The following LRRTM4 variants were observed in gnomAD, a reference collection of about 807,000 sequenced individuals.
LRRTM4 encodes leucine rich repeat transmembrane neuronal 4.
Under a neutral mutation model 47.6 loss-of-function variants are expected in LRRTM4, and 25 were observed. The observed-to-expected ratio is 0.53, with a 90% CI of 0.38 to 0.73. LRRTM4 has a LOEUF of 0.73. Among genes scored for constraint, LRRTM4 ranks in the 30% least tolerant of loss-of-function variants. The pLI is 0.00. For synonymous variants in LRRTM4, 311 were observed against 269.5 expected (o/e 1.15, Z -1.51); for missense variants, 638 against 713.4 (o/e 0.89, Z 1.20).
intron 3 of LRRTM4, among the ~76,000 whole-genome samples, chr2:76,759,724 A>G (rs1411531904): frequency 1.3e-5 from 2 of 151,908 alleles, no homozygotes; most frequent in Non-Finnish European, 2.9e-5. Context: ...GGACTTTTGT[A>G]TTCACTATTC....
intron 3 of LRRTM4, among the ~76,000 whole-genome samples, chr2:77,459,418 A>G (rs1676690272): frequency 6.6e-6 from 1 of 152,176 alleles, no homozygotes; most frequent in Non-Finnish European, 1.5e-5. Flanking sequence ...ACAGAGACAT[A>G]TACAGCAATT....
chr2:76,825,411 T>C (rs758907762), intron 3 of LRRTM4, among the ~76,000 whole-genome samples: 15 of 151,684 alleles, frequency 9.9e-5, no homozygotes, highest in Non-Finnish European at 1.6e-4. Flanking sequence ...ATTGATATAC[T>C]GACGAATTGG....
intron 3 of LRRTM4, among the ~76,000 whole-genome samples, chr2:76,963,833 T>C (rs1305827101): frequency 6.6e-6 from 1 of 150,664 alleles, no homozygotes; most frequent in African/African-American, 2.4e-5. Context: ...CAGATAAACA[T>C]TTAAGGAAGT....
intron 3 of LRRTM4, among the ~76,000 whole-genome samples, chr2:77,235,954 T>G (rs1675092374): frequency 6.6e-6 from 1 of 152,166 alleles, no homozygotes; most frequent in South Asian, 2.1e-4. Context: ...TCAGGTAATG[T>G]GATGCCTCTA....
At chr2:77,380,828 C>G (rs1673023717) in intron 3 of LRRTM4, among the ~76,000 whole-genome samples, 1 of 151,068 alleles carries the variant, frequency 6.6e-6, no homozygotes, top group Non-Finnish European at 1.5e-5. Flanking sequence ...TTACGGTACA[C>G]TATATAATTA....
chr2:76,907,870 G>C (rs553542271), intron 3 of LRRTM4, among the ~76,000 whole-genome samples: 2 of 141,162 alleles, frequency 1.4e-5, no homozygotes, highest in Admixed American at 1.5e-4. Flanking sequence ...CAACCGAAAA[G>C]AGTCCAGGAC....
intron 3 of LRRTM4, among the ~76,000 whole-genome samples, chr2:76,763,892 T>C (rs1225055275): frequency 1.3e-5 from 2 of 152,212 alleles, no homozygotes; most frequent in Admixed American, 1.3e-4. Context: ...ATGTATTATA[T>C]ATATTCTTTT....
intron 3 of LRRTM4, among the ~76,000 whole-genome samples, chr2:76,928,986 T>C (rs564274855): frequency 1.3e-5 from 2 of 152,150 alleles, no homozygotes; most frequent in African/African-American, 4.8e-5. Context: ...GACTTAGATA[T>C]GATTTTGTGA....
chr2:77,165,915 C>T (rs1429311668), intron 3 of LRRTM4, among the ~76,000 whole-genome samples: 1 of 152,184 alleles, frequency 6.6e-6, no homozygotes, highest in Non-Finnish European at 1.5e-5. Context: ...CAGGGATGCC[C>T]TCTCTCACCA....
intron 3 of LRRTM4, among the ~76,000 whole-genome samples, chr2:76,891,636 T>A (rs571367399): frequency 2.0e-5 from 3 of 151,934 alleles, no homozygotes; most frequent in South Asian, 2.1e-4. Context: ...ACAGACTTTT[T>A]ACCTAAAAGG....
intron 3 of LRRTM4, among the ~76,000 whole-genome samples, chr2:76,784,070 A>T (rs1395405723): frequency 6.6e-6 from 1 of 152,086 alleles, no homozygotes; most frequent in African/African-American, 2.4e-5. Context: ...ATTATTTTTA[A>T]ATGTTGTATT....
chr2:77,093,518 C>G (rs1247161792), intron 3 of LRRTM4, among the ~76,000 whole-genome samples: 51 of 151,884 alleles, frequency 3.4e-4, no homozygotes, highest in Middle Eastern at 3.4e-3. Flanking sequence ...TCCCTCTCTA[C>G]ATTCCCACAC....
At chr2:77,083,079 TTC>T (rs1269331371) in intron 3 of LRRTM4, among the ~76,000 whole-genome samples, 1 of 152,196 alleles carries the variant, frequency 6.6e-6, no homozygotes, top group African/African-American at 2.4e-5. Context: ...ATTCTTATGT[TTC>T]TGTTTTTAGT....
intron 3 of LRRTM4, among the ~76,000 whole-genome samples, chr2:76,974,187 CAT>C (rs577436565): frequency 0.028 from 2,973 of 107,600 alleles, 155 homozygotes; most frequent in African/African-American, 0.095. Flanking sequence ...TATATACATA[CAT>C]ATATATACAT....
intron 3 of LRRTM4, among the ~76,000 whole-genome samples, chr2:77,205,528 A>T (rs2103909002): frequency 6.6e-6 from 1 of 152,224 alleles, no homozygotes; most frequent in African/African-American, 2.4e-5. Context: ...GACTCTCTGA[A>T]GCAGATGTAT....
At chr2:76,970,495 TAA>T (rs1676181316) in intron 3 of LRRTM4, among the ~76,000 whole-genome samples, 2 of 151,982 alleles carry the variant, frequency 1.3e-5, no homozygotes, top group South Asian at 2.1e-4. Flanking sequence ...GTTATATAAA[TAA>T]AAAGTTTTAT....
At chr2:77,290,408 G>A (rs1294056588) in intron 3 of LRRTM4, among the ~76,000 whole-genome samples, 1 of 151,916 alleles carries the variant, frequency 6.6e-6, no homozygotes, top group African/African-American at 2.4e-5. Flanking sequence ...GAAGGGTATA[G>A]GGAGGGGAGC....
In LRRTM4 at chr2:77,112,947, T is replaced by C. The variant is rs556559706; in HGVS notation, c.1552-364031A>G. Among the ~76,000 whole-genome samples the C allele has an allele frequency of 2.0e-3, 307 of 152,318 alleles. 1 individual carries two copies. Among genetic ancestry groups the C allele is most frequent in the Non-Finnish European group, 3.6e-3 (245 of 68,028 alleles). ...CATACGAGGGAGAATTTCTTGAGCATGCTCATCCGAGACAGATTTTTCAAC... is the reference window on the plus strand; with the variant it reads ...CATACGAGGGAGAATTTCTTGAGCACGCTCATCCGAGACAGATTTTTCAAC... On this transcript the variant is annotated intron_variant, in intron 3 of 3. Coordinates refer to ENST00000409884, the MANE Select transcript of LRRTM4 (RefSeq NM_001134745.3).
chr2:76,816,532 C>G (rs193202154), intron 3 of LRRTM4, among the ~76,000 whole-genome samples: 3 of 152,030 alleles, frequency 2.0e-5, no homozygotes, highest in African/African-American at 2.4e-5. Context: ...AGAAGTGGAA[C>G]ATGGAATCTG....
Sources: allele counts gnomAD v4.1 joint callset (sites outside exome capture counted in the v4.1 genomes callset), GRCh38; gene constraint gnomAD v4.1.1; transcripts MANE v1.5; gene names NCBI Gene and HGNC (gene_info 2026-07-23, HGNC 2026-07-21).